Variants in PLA2G4A observed in about 807,000 individuals in gnomAD.
The protein encoded by PLA2G4A is phospholipase A2 group IVA.
Under a neutral mutation model 81.9 loss-of-function variants are expected in PLA2G4A, and 40 were observed. That is an observed-to-expected ratio of 0.49 (90% CI 0.38 to 0.64). The LOEUF is 0.64. Among genes scored for constraint, PLA2G4A ranks in the 30% least tolerant of loss-of-function variants. PLA2G4A has a pLI of 0.00. For synonymous variants in PLA2G4A, 302 were observed against 296.9 expected, an observed-to-expected ratio of 1.02 and a Z score of -0.18; for missense variants, 715 against 905.1, an observed-to-expected ratio of 0.79 and a Z score of 2.69.
rs142585092 is a variant in PLA2G4A at position 186,983,323 on chromosome 1, C to A, written c.2118+3851C>A. 6.0e-3 allele frequency among the ~76,000 whole-genome samples: 912 copies of A among 152,232 alleles called. 5 individuals are homozygous for A. Among genetic ancestry groups the A allele is most frequent in the Non-Finnish European group, 9.9e-3 (672 of 68,014 alleles). On this transcript the variant is annotated intron_variant, in intron 17 of 17. Transcript: ENST00000367466. ...TGGATGGACATTGTGAATATAAACTCTTACAATGCAAAGTTACCTCTCTGC... is the reference window on the plus strand; with the variant it reads ...TGGATGGACATTGTGAATATAAACTATTACAATGCAAAGTTACCTCTCTGC...
chr1:186,950,734 T>C lies in PLA2G4A; in HGVS notation c.1336+6T>C, dbSNP rs753582230. 31 of 1,559,674 alleles carry C rather than the reference T, an allele frequency of 2.0e-5. No homozygotes were observed. The highest frequency in any genetic ancestry group is 2.7e-5 in the Non-Finnish European group (31 of 1,130,708). On this transcript the variant is annotated splice_donor_region_variant and intron_variant, in intron 13 of 17. Coordinates refer to ENST00000367466, the MANE Select transcript of PLA2G4A (RefSeq NM_024420.3). ...TGAATCACACGAACCCAAAGGTGAGTGAGCCGGAAACTTTTCTGGCCCAGA... is the reference window on the plus strand; with the variant it reads ...TGAATCACACGAACCCAAAGGTGAGCGAGCCGGAAACTTTTCTGGCCCAGA...
intron 1 of PLA2G4A, among the ~76,000 whole-genome samples, chr1:186,836,192 GTATTAATATATAGCC>G (rs1442237051): frequency 6.6e-6 from 1 of 151,050 alleles, no homozygotes; most frequent in Admixed American, 6.6e-5. Context: ...TAATACCCCA[GTATTAATATATAGCC>G]TATGCATTAA....
At chr1:186,908,798 T>A (rs12720557) in intron 6 of PLA2G4A, among the ~76,000 whole-genome samples, 38,940 of 151,492 alleles carry the variant, frequency 0.26, 5,490 homozygotes, top group Admixed American at 0.4. Flanking sequence ...ACCTGCAAAA[T>A]GAAAACCTTA....
At chr1:186,883,707 T>C (rs1653825775) in intron 3 of PLA2G4A, among the ~76,000 whole-genome samples, 1 of 152,082 alleles carries the variant, frequency 6.6e-6, no homozygotes, top group Non-Finnish European at 1.5e-5. Context: ...AATCACAAAA[T>C]AATGATATAT....
At chr1:186,891,736 T>A (rs1654151275) in intron 3 of PLA2G4A, among the ~76,000 whole-genome samples, 1 of 152,232 alleles carries the variant, frequency 6.6e-6, no homozygotes, top group Non-Finnish European at 1.5e-5. Flanking sequence ...ATCTTAGCTA[T>A]TGTAAATAGT....
At position 186,882,622 on chromosome 1, in the gene PLA2G4A, G is replaced by A. The variant is rs539521040; in HGVS notation, c.116-10389G>A. Among the ~76,000 whole-genome samples the A allele has an allele frequency of 1.4e-4, 22 of 152,192 alleles. No individual in the cohort carries two copies. In the South Asian group the frequency reaches 4.4e-3, roughly 30 times the overall value. ...CCTTGGGTTTGATGGGGGGTTGGGA[G>A]GGAGCCTTTAAGTCTTTCTCACCAT... is the stretch of plus-strand genomic sequence containing the variant. On this transcript the variant is annotated intron_variant, in intron 3 of 17. Transcript: ENST00000367466.
At chr1:186,898,992 C>A (rs6688358) in intron 5 of PLA2G4A, among the ~76,000 whole-genome samples, 26,702 of 151,934 alleles carry the variant, frequency 0.18, 3,984 homozygotes, top group African/African-American at 0.41. Context: ...CAGCAGTGAA[C>A]AAAATGAACA....
chr1:186,924,103 A>G (rs936760654), intron 7 of PLA2G4A, among the ~76,000 whole-genome samples: 1 of 152,208 alleles, frequency 6.6e-6, no homozygotes, highest in Admixed American at 6.5e-5. Flanking sequence ...CAATATATCT[A>G]TTATTCAGAT....
chr1:186,963,768 T>C (rs1657037975), intron 14 of PLA2G4A, among the ~76,000 whole-genome samples: 1 of 152,232 alleles, frequency 6.6e-6, no homozygotes, highest in Admixed American at 6.5e-5. Flanking sequence ...CAGATGACTT[T>C]GTTAACTGTA....
chr1:186,913,024 A>G (rs1444204266), intron 7 of PLA2G4A, among the ~76,000 whole-genome samples: 4 of 151,044 alleles, frequency 2.6e-5, no homozygotes, highest in Non-Finnish European at 5.9e-5. Context: ...AATCTTGTTA[A>G]TGATAATGGA....
intron 10 of PLA2G4A, among the ~76,000 whole-genome samples, chr1:186,943,285 A>C (rs1484097910): frequency 6.6e-6 from 1 of 152,208 alleles, no homozygotes; most frequent in Non-Finnish European, 1.5e-5. Flanking sequence ...ACTGTTAGAA[A>C]TTCCTGACTC....
chr1:186,949,258 GGAAA>G (rs970498630), intron 12 of PLA2G4A, among the ~76,000 whole-genome samples: 62 of 124,328 alleles, frequency 5.0e-4, no homozygotes, highest in African/African-American at 1.8e-3. Context: ...AAGAAAGAAA[GGAAA>G]GAAAGAAAGA....
intron 15 of PLA2G4A, among the ~76,000 whole-genome samples, chr1:186,966,118 TAAAAAA>T (rs10609057): frequency 8.4e-6 from 1 of 119,508 alleles, no homozygotes; most frequent in African/African-American, 3.1e-5. Flanking sequence ...GAGTGGAAGT[TAAAAAA>T]AAAAAAAAAA....
intron 12 of PLA2G4A, among the ~76,000 whole-genome samples, chr1:186,949,301 G>A (rs12720634): frequency 2.9e-5 from 4 of 138,518 alleles, no homozygotes; most frequent in Non-Finnish European, 4.6e-5. Flanking sequence ...GAAGGAAAAA[G>A]AAAGAAAGAG....
intron 2 of PLA2G4A, among the ~76,000 whole-genome samples, chr1:186,857,157 A>T (rs373215046): frequency 4.9e-4 from 28 of 57,600 alleles, no homozygotes; most frequent in South Asian, 8.8e-4. Context: ...ATAATTACAT[A>T]ATATAATATA....
intron 5 of PLA2G4A, among the ~76,000 whole-genome samples, chr1:186,906,500 C>G (rs1654741430): frequency 1.3e-5 from 2 of 152,184 alleles, no homozygotes; most frequent in South Asian, 4.1e-4. Flanking sequence ...TTTCAGCTTA[C>G]TACAGCCTGC....
chr1:186,833,826 T>C (rs1651682129), intron 1 of PLA2G4A, among the ~76,000 whole-genome samples: 1 of 152,226 alleles, frequency 6.6e-6, no homozygotes, highest in South Asian at 2.1e-4. Context: ...AATCACTTAT[T>C]AAATGAATTC....
At chr1:186,856,484 G>A (rs1652558025) in intron 2 of PLA2G4A, among the ~76,000 whole-genome samples, 1 of 151,160 alleles carries the variant, frequency 6.6e-6, no homozygotes. Context: ...CCATCTCTCG[G>A]GTTCAAGCAA....
intron 7 of PLA2G4A, among the ~76,000 whole-genome samples, chr1:186,923,757 G>T (rs1164075739): frequency 6.6e-6 from 1 of 152,226 alleles, no homozygotes; most frequent in Admixed American, 6.5e-5. Flanking sequence ...TTTCTTGTAA[G>T]TCATGACTGT....
Sources: gnomAD v4.1 joint callset for allele counts (sites outside exome capture counted in the v4.1 genomes callset) on GRCh38, gnomAD v4.1.1 for gene constraint, MANE v1.5 for transcripts, NCBI Gene and HGNC (gene_info 2026-07-23, HGNC 2026-07-21) for gene names.